FREM1: variants seen among roughly 807,000 people sequenced by gnomAD.
FREM1 encodes the protein FRAS1 related extracellular matrix 1.
Under a neutral mutation model 210.1 loss-of-function variants are expected in FREM1, and 220 were observed. That is an observed-to-expected ratio of 1.05 (90% CI 0.94 to 1.17). The LOEUF (loss-of-function observed/expected upper bound fraction) is 1.17, where lower values mean the gene tolerates loss of function less well. FREM1 is among the 50% of genes most tolerant of loss of function. The pLI, the probability that FREM1 is intolerant of heterozygous loss-of-function variation, is 0.00. For missense variants in FREM1, 3,454 were observed against 2,675.5 expected (o/e 1.29, Z -6.42); for synonymous variants, 1,189 against 980.2 (o/e 1.21, Z -3.98).
In FREM1 at chr9:14,737,649, T is replaced by C. The variant is rs1392811539; in HGVS notation, c.6341-54A>G. The C allele has an allele frequency of 2.2e-6, 3 of 1,337,106 alleles. No homozygotes were observed. In the African/African-American group the frequency reaches 4.5e-5, roughly 20 times the overall value. 82.8% of individuals were successfully genotyped at this position (1,337,106 alleles called of 1,614,324 possible). On this transcript the variant is annotated intron_variant, in intron 36 of 36. Transcript: ENST00000380880. ...TACTTTTATTGCGTTTATACTTAGA[T>C]ATCATATCCAGCTGTTGCTCTAAGC...
chr9:14,863,790 A>C lies in FREM1; in HGVS notation c.329+19T>G. On this transcript the variant is annotated intron_variant, in intron 3 of 36. Transcript: ENST00000380880. ...ATGGTTACTTGGCAGCAAATGAGCG[A>C]TGTTCCCGTGCCGCTTACCTGTAAA... 3 of 1,505,666 alleles carry C rather than the reference A, an allele frequency of 2.0e-6. No individual in the cohort carries two copies. The highest frequency in any genetic ancestry group is 2.8e-6 in the Non-Finnish European group (3 of 1,081,880). The allele number at this position is 1,505,666 out of a possible 1,614,324, so 93.3% of individuals were successfully genotyped here.
At chr9:14,862,014 G>A (rs1830689287) in intron 3 of FREM1, among the ~76,000 whole-genome samples, 1 of 152,134 alleles carries the variant, frequency 6.6e-6, no homozygotes, top group South Asian at 2.1e-4. Context: ...CAAGTTCTTT[G>A]AAGTTATTTG....
At chr9:14,890,017 G>T (rs1410924285) in intron 1 of FREM1, among the ~76,000 whole-genome samples, 2 of 152,206 alleles carry the variant, frequency 1.3e-5, no homozygotes, top group Non-Finnish European at 2.9e-5. Flanking sequence ...ATTCCCCATT[G>T]TGTCCCTCCA....
intron 2 of FREM1, among the ~76,000 whole-genome samples, chr9:14,866,767 G>A (rs1588474710): frequency 6.6e-6 from 1 of 152,132 alleles, no homozygotes; most frequent in Non-Finnish European, 1.5e-5. Context: ...ATATGTGCCA[G>A]TACAGCCCTG....
In FREM1 at chr9:14,851,315, T is replaced by C; in HGVS notation, c.1121A>G (p.Asn374Ser). Reference protein sequence around the residue: ...SDMQIAYQPPNSSHSERRHDE... With the variant: ...SDMQIAYQPPSSSHSERRHDE... ...ATGTCTCCTCTCAGAATGGCTGCTG[T>C]TTGGTGGCTGATAGGCGATCTGCAT... The change falls in exon 6 of 37, where the codon AAC becomes AGC. Residue 374 changes from asparagine (N) to serine (S), a missense_variant. Asn to Ser is a conservative substitution (Grantham distance 46). Transcript: ENST00000380880. 1 of 1,602,236 alleles carries C rather than the reference T, an allele frequency of 6.2e-7. No homozygotes were observed. The highest frequency in any genetic ancestry group is 8.5e-7 in the Non-Finnish European group (1 of 1,172,836).
At chr9:14,743,471 G>C (rs7857091) in intron 35 of FREM1, among the ~76,000 whole-genome samples, 1 of 151,434 alleles carries the variant, frequency 6.6e-6, no homozygotes, top group Non-Finnish European at 1.5e-5. Context: ...TTATAATCTC[G>C]TAATAAAGAA....
chr9:14,799,879 G>A (rs1853193463), intron 20 of FREM1, among the ~76,000 whole-genome samples: 1 of 151,166 alleles, frequency 6.6e-6, no homozygotes, highest in South Asian at 2.1e-4. Context: ...CATGTGCCAT[G>A]CTGGTGTGCT....
intron 5 of FREM1, among the ~76,000 whole-genome samples, chr9:14,854,834 T>C (rs1828424144): frequency 6.6e-6 from 1 of 151,998 alleles, no homozygotes; most frequent in Non-Finnish European, 1.5e-5. Flanking sequence ...AAAAACAAAG[T>C]GCCTAGGACT....
intron 5 of FREM1, among the ~76,000 whole-genome samples, chr9:14,854,475 T>C (rs1181411481): frequency 6.6e-6 from 1 of 152,112 alleles, no homozygotes; most frequent in Non-Finnish European, 1.5e-5. Flanking sequence ...AGAGACCACA[T>C]AATTTCAAAG....
chr9:14,842,749 T>A, intron 8 of FREM1, 89 bp from the exon 9 acceptor site: 1 of 909,602 alleles, frequency 1.1e-6, no homozygotes, highest in Non-Finnish European at 1.7e-6. Context: ...TAGAGGCTGC[T>A]AAGGAAAGTG....
chr9:14,825,547 G>GTGTGTGTGTATATATATA, intron 10 of FREM1, among the ~76,000 whole-genome samples: 2,064 of 75,564 alleles, frequency 0.027, 54 homozygotes, highest in Admixed American at 0.058. Flanking sequence ...GTGTGTGTGT[G>GTGTGTGTGTATATATATA]TATATATATA....
At chr9:14,858,320 G>A (rs1427527297) in intron 4 of FREM1, among the ~76,000 whole-genome samples, 1 of 152,018 alleles carries the variant, frequency 6.6e-6, no homozygotes, top group African/African-American at 2.4e-5. Flanking sequence ...CTAACCAAAT[G>A]TATTTCCACT....
chr9:14,855,911 G>C (rs866530793), intron 5 of FREM1, among the ~76,000 whole-genome samples: 1 of 151,910 alleles, frequency 6.6e-6, no homozygotes, highest in South Asian at 2.1e-4. Flanking sequence ...ATCATTAAAA[G>C]TGAAAGGAGT....
In FREM1 at chr9:14,800,628, A is replaced by AT. The variant is rs538488664; in HGVS notation, c.3694+1023dup. On this transcript the variant is annotated intron_variant, in intron 20 of 36. Coordinates refer to ENST00000380880, the MANE Select transcript of FREM1 (RefSeq NM_001379081.2). ...CATGATCTCAATAGTTTTAAAAAGG[A>AT]TTTTTTTTACTATAGCATTAAATGT... Among the ~76,000 whole-genome samples the AT allele has an allele frequency of 8.4e-4, 128 of 152,078 alleles. 1 individual carries two copies. The highest frequency in any genetic ancestry group is 2.7e-3 in the African/African-American group (112 of 41,486).
intron 25 of FREM1, among the ~76,000 whole-genome samples, chr9:14,774,799 G>C (rs1002841135): frequency 3.3e-5 from 5 of 152,126 alleles, no homozygotes; most frequent in African/African-American, 2.4e-5. Flanking sequence ...GCAGTGTAGT[G>C]TCATAGAAAG....
chr9:14,792,837 C>G lies in FREM1; in HGVS notation c.3887G>C (p.Ser1296Thr). Residue 1296 changes from serine to threonine, a missense_variant, in exon 22 of 37, where the codon AGT becomes ACT. Ser to Thr is a moderately conservative substitution (Grantham distance 58). Transcript: ENST00000380880. ...MNMGETRIISSAILSAIDEDS... is the reference protein window; with the variant it reads ...MNMGETRIISTAILSAIDEDS... Reference sequence around the variant, plus strand: ...TTCATCTATGGCTGAAAGAATAGCACTGGAAATAATACGAGTTTCACCCAT... The same window carrying G: ...TTCATCTATGGCTGAAAGAATAGCAGTGGAAATAATACGAGTTTCACCCAT... 6.2e-7 allele frequency: 1 copy of G among 1,600,158 alleles called. No individual in the cohort carries two copies. The highest frequency in any genetic ancestry group is 8.5e-7 in the Non-Finnish European group (1 of 1,171,968).
chr9:14,899,727 T>A (rs1272328214), intron 1 of FREM1, among the ~76,000 whole-genome samples: 3 of 152,198 alleles, frequency 2.0e-5, no homozygotes, highest in African/African-American at 7.2e-5. Context: ...GCAAGAAATT[T>A]GTCTAGAGGT....
intron 1 of FREM1, among the ~76,000 whole-genome samples, chr9:14,899,619 TA>T (rs1183192532): frequency 2.0e-5 from 3 of 152,192 alleles, no homozygotes; most frequent in Admixed American, 2.0e-4. Flanking sequence ...AGAAACATTT[TA>T]AAAGTGAAAC....
intron 15 of FREM1, among the ~76,000 whole-genome samples, chr9:14,814,447 C>T (rs1408017358): frequency 1.3e-5 from 2 of 152,078 alleles, no homozygotes; most frequent in Non-Finnish European, 2.9e-5. Flanking sequence ...TATATGTGTC[C>T]TGACTACCTT....
Sources: allele counts gnomAD v4.1 joint callset (sites outside exome capture counted in the v4.1 genomes callset), GRCh38; gene constraint gnomAD v4.1.1; transcripts MANE v1.5; gene names NCBI Gene and HGNC (gene_info 2026-07-23, HGNC 2026-07-21).